IMMP2L: variants seen among roughly 807,000 people sequenced by gnomAD.
IMMP2L encodes mitochondrial inner membrane protease subunit 2.
Under a neutral mutation model 19.3 loss-of-function variants are expected in IMMP2L, and 18 were observed. The observed-to-expected ratio is 0.93, with a 90% CI of 0.64 to 1.38. The LOEUF (loss-of-function observed/expected upper bound fraction) is 1.38. Ranked by LOEUF, IMMP2L falls within the 40% of genes most tolerant of loss-of-function variation. The pLI is 0.00. For synonymous variants in IMMP2L, 76 were observed against 73.0 expected (o/e 1.04, Z -0.21); for missense variants, 233 against 218.2 (o/e 1.07, Z -0.43).
chr7:110,876,383 G>T (rs1352764592), intron 5 of IMMP2L, among the ~76,000 whole-genome samples: 2 of 152,062 alleles, frequency 1.3e-5, no homozygotes, highest in Admixed American at 1.3e-4. Flanking sequence ...CACTTTGATG[G>T]AATATTTGCC....
chr7:111,553,658 G>A (rs1790932822), intron 1 of IMMP2L, among the ~76,000 whole-genome samples: 1 of 152,158 alleles, frequency 6.6e-6, no homozygotes, highest in Non-Finnish European at 1.5e-5. Flanking sequence ...GACAGGAAAT[G>A]CTCAACTGCT....
At chr7:110,992,830 G>A (rs1426162653) in intron 3 of IMMP2L, among the ~76,000 whole-genome samples, 1 of 151,980 alleles carries the variant, frequency 6.6e-6, no homozygotes, top group Non-Finnish European at 1.5e-5. Flanking sequence ...CCAGCTTCAT[G>A]GCAAATAAAT....
chr7:111,250,512 C>T (rs897870579), intron 3 of IMMP2L, among the ~76,000 whole-genome samples: 1 of 152,060 alleles, frequency 6.6e-6, no homozygotes, highest in Non-Finnish European at 1.5e-5. Context: ...CTATACAAGG[C>T]TACACAGTAA....
chr7:111,422,895 A>G (rs557731486), intron 3 of IMMP2L, among the ~76,000 whole-genome samples: 3 of 151,934 alleles, frequency 2.0e-5, no homozygotes, highest in African/African-American at 7.3e-5. Flanking sequence ...ATGTTTCATC[A>G]ATACCTAGTT....
At chr7:110,847,061 G>C (rs964438050) in intron 5 of IMMP2L, among the ~76,000 whole-genome samples, 1 of 152,110 alleles carries the variant, frequency 6.6e-6, no homozygotes, top group Non-Finnish European at 1.5e-5. Flanking sequence ...ATTTTGTTAT[G>C]TCACATTCTC....
chr7:111,107,240 A>G (rs1586311313), intron 3 of IMMP2L, among the ~76,000 whole-genome samples: 1 of 151,922 alleles, frequency 6.6e-6, no homozygotes, highest in East Asian at 1.9e-4. Context: ...TTCTTTTTAG[A>G]CAGACTTTGA....
chr7:110,904,869 A>G (rs1258812920), intron 4 of IMMP2L, among the ~76,000 whole-genome samples: 3 of 152,192 alleles, frequency 2.0e-5, no homozygotes, highest in Non-Finnish European at 4.4e-5. Flanking sequence ...TATAATCTCT[A>G]TATCTTCTGA....
intron 3 of IMMP2L, among the ~76,000 whole-genome samples, chr7:111,271,728 G>T (rs958812501): frequency 6.6e-6 from 1 of 152,070 alleles, no homozygotes; most frequent in Non-Finnish European, 1.5e-5. Flanking sequence ...TCAGGATCAG[G>T]CTTATCTATC....
chr7:110,907,826 C>A (rs1812632126), intron 4 of IMMP2L, among the ~76,000 whole-genome samples: 1 of 152,124 alleles, frequency 6.6e-6, no homozygotes, highest in African/African-American at 2.4e-5. Flanking sequence ...ATTTCAGAAG[C>A]AACCATGCCA....
chr7:111,433,142 G>A (rs1836806034), intron 3 of IMMP2L, among the ~76,000 whole-genome samples: 1 of 151,596 alleles, frequency 6.6e-6, no homozygotes, highest in Admixed American at 6.6e-5. Context: ...TACAATCATG[G>A]CAGAAGACAC....
intron 5 of IMMP2L, among the ~76,000 whole-genome samples, chr7:110,799,135 A>T (rs1289876583): frequency 3.9e-5 from 6 of 152,058 alleles, no homozygotes; most frequent in Non-Finnish European, 8.8e-5. Flanking sequence ...TCTCCCTTTG[A>T]TACTATTAGC....
chr7:111,225,193 C>A lies in IMMP2L; in HGVS notation c.240-261628G>T, dbSNP rs571625789. On this transcript the variant is annotated intron_variant, in intron 3 of 5. Coordinates refer to ENST00000405709, the MANE Select transcript of IMMP2L (RefSeq NM_032549.4). ...AGTTAATCTGTCACTTCAAGGAAAA[C>A]AACTGACAGTATTCATTACCAATGA... Among the ~76,000 whole-genome samples the A allele has an allele frequency of 1.6e-4, 24 of 152,186 alleles. No homozygotes were observed. In the South Asian group the frequency reaches 4.4e-3, roughly 28 times the overall value.
intron 3 of IMMP2L, among the ~76,000 whole-genome samples, chr7:111,313,430 AC>A (rs1410913078): frequency 6.6e-6 from 1 of 152,102 alleles, no homozygotes; most frequent in African/African-American, 2.4e-5. Context: ...CTGTCACAAA[AC>A]CAAACAATAA....
At chr7:110,774,253 T>C (rs1799231774) in intron 5 of IMMP2L, among the ~76,000 whole-genome samples, 1 of 152,078 alleles carries the variant, frequency 6.6e-6, no homozygotes, top group South Asian at 2.1e-4. Flanking sequence ...AACAGGGAAC[T>C]TGTTTGGTTT....
intron 5 of IMMP2L, among the ~76,000 whole-genome samples, chr7:110,767,601 T>C (rs1339730700): frequency 1.3e-5 from 2 of 152,180 alleles, no homozygotes; most frequent in Non-Finnish European, 2.9e-5. Flanking sequence ...TGATTCTTCA[T>C]TCTCTATCTT....
chr7:111,193,035 G>C (rs995446264), intron 3 of IMMP2L, among the ~76,000 whole-genome samples: 6 of 152,098 alleles, frequency 3.9e-5, no homozygotes, highest in African/African-American at 1.4e-4. Flanking sequence ...TCAGTGGACA[G>C]AGAATTACTA....
intron 3 of IMMP2L, among the ~76,000 whole-genome samples, chr7:111,426,075 C>A (rs1007937261): frequency 1.3e-5 from 2 of 150,898 alleles, no homozygotes; most frequent in Non-Finnish European, 3.0e-5. Flanking sequence ...AAAATTTTGC[C>A]AGATTGGGTA....
intron 3 of IMMP2L, among the ~76,000 whole-genome samples, chr7:111,165,654 A>T (rs2129607896): frequency 6.6e-6 from 1 of 152,198 alleles, no homozygotes; most frequent in South Asian, 2.1e-4. Context: ...GATAACAAGG[A>T]ACAATCAGGA....
In IMMP2L at chr7:111,317,426, CAA is replaced by C. The variant is rs554528793; in HGVS notation, c.239+169810_239+169811del. On this transcript the variant is annotated intron_variant, in intron 3 of 5. Transcript: ENST00000405709. ...AATGCAAGATTTATATATTAAGATC[CAA>C]CATTATATGGGCAAAGAAATACTAC... Among the ~76,000 whole-genome samples, 88 of 152,016 alleles carry C rather than the reference CAA, an allele frequency of 5.8e-4. 1 individual carries two copies. The highest frequency in any genetic ancestry group is 2.0e-3 in the African/African-American group (83 of 41,472).
Sources: gnomAD v4.1 joint callset for allele counts (sites outside exome capture counted in the v4.1 genomes callset) on GRCh38, gnomAD v4.1.1 for gene constraint, MANE v1.5 for transcripts, NCBI Gene and HGNC (gene_info 2026-07-23, HGNC 2026-07-21) for gene names.